FOXJ3: variants seen among roughly 807,000 people sequenced by gnomAD.
FOXJ3 encodes forkhead box protein J3.
In FOXJ3, 22 loss-of-function variants were observed where a neutral mutation model predicts 76.1. The ratio of observed to expected loss-of-function variants is 0.29; its 90% CI spans 0.21 to 0.41. The LOEUF (loss-of-function observed/expected upper bound fraction) is 0.41, where lower values mean the gene tolerates loss of function less well. Among genes scored for constraint, FOXJ3 ranks in the 10% least tolerant of loss-of-function variants. The pLI, the probability that FOXJ3 is intolerant of heterozygous loss-of-function variation, is 1.00. For synonymous variants in FOXJ3, 269 were observed against 261.2 expected, an observed-to-expected ratio of 1.03 and a Z score of -0.29; for missense variants, 613 against 762.1, an observed-to-expected ratio of 0.80 and a Z score of 2.30.
chr1:42,242,535 T>C (rs1649224112), intron 4 of FOXJ3, among the ~76,000 whole-genome samples: 1 of 146,898 alleles, frequency 6.8e-6, no homozygotes, highest in Admixed American at 6.8e-5. Flanking sequence ...CAGAACTTGA[T>C]GAGAGATCTT....
intron 1 of FOXJ3, among the ~76,000 whole-genome samples, chr1:42,316,752 T>C (rs1306179254): frequency 6.6e-6 from 1 of 152,190 alleles, no homozygotes; most frequent in East Asian, 1.9e-4. Flanking sequence ...AATTAAAAAT[T>C]TGTTAAAACT....
chr1:42,271,900 T>A (rs1651891659), intron 3 of FOXJ3, among the ~76,000 whole-genome samples: 2 of 152,286 alleles, frequency 1.3e-5, no homozygotes, highest in South Asian at 4.1e-4. Context: ...TGCCTTGGCC[T>A]CCCAAAGTGC....
intron 8 of FOXJ3, 30 bp from the exon 9 acceptor site, chr1:42,191,749 A>T: frequency 6.3e-7 from 1 of 1,591,506 alleles, no homozygotes; most frequent in South Asian, 1.1e-5. Context: ...ATTTATGGTC[A>T]GATTTCAGTT....
At chr1:42,310,504 G>C (rs950921597) in intron 2 of FOXJ3, among the ~76,000 whole-genome samples, 1 of 149,214 alleles carries the variant, frequency 6.7e-6, no homozygotes, top group African/African-American at 2.5e-5. Flanking sequence ...CTGGAGTGCA[G>C]TGGCACGATC....
chr1:42,287,068 C>A (rs947851255), intron 2 of FOXJ3, among the ~76,000 whole-genome samples: 2 of 151,132 alleles, frequency 1.3e-5, no homozygotes, highest in African/African-American at 2.4e-5. Context: ...GGCTGGGATG[C>A]GGTGGCTCAC....
chr1:42,249,395 C>G (rs893922988), intron 4 of FOXJ3, among the ~76,000 whole-genome samples: 4 of 152,152 alleles, frequency 2.6e-5, no homozygotes, highest in African/African-American at 9.7e-5. Flanking sequence ...TCAAGGAATT[C>G]ACCTACATGA....
chr1:42,242,230 G>A (rs1258680358), intron 4 of FOXJ3, among the ~76,000 whole-genome samples: 1 of 150,436 alleles, frequency 6.6e-6, no homozygotes, highest in Admixed American at 6.6e-5. Flanking sequence ...CACCTCCAAA[G>A]AACACAGTAA....
intron 1 of FOXJ3, among the ~76,000 whole-genome samples, chr1:42,331,589 A>G (rs184841407): frequency 2.6e-5 from 4 of 152,334 alleles, no homozygotes; most frequent in Non-Finnish European, 4.4e-5. Context: ...TGAAATGCCC[A>G]CAACAGGCAT....
In FOXJ3 at chr1:42,184,586, T is replaced by C. The variant is rs543059895; in HGVS notation, c.1646-2562A>G. ...ATTTCAGGCACTGCTCGAGGCACTA[T>C]GGATACAGCAATGAAAAAACACAAC... is the stretch of plus-strand genomic sequence containing the variant. On this transcript the variant is annotated intron_variant, in intron 11 of 12. Coordinates refer to ENST00000361346, the MANE Select transcript of FOXJ3 (RefSeq NM_014947.5). Among the ~76,000 whole-genome samples the C allele has an allele frequency of 3.9e-5, 6 of 152,224 alleles. No homozygotes were observed. The South Asian group carries it at 1.0e-3, about 26-fold the overall frequency.
intron 5 of FOXJ3, among the ~76,000 whole-genome samples, chr1:42,207,431 T>C (rs1320260759): frequency 6.6e-6 from 1 of 152,232 alleles, no homozygotes; most frequent in Non-Finnish European, 1.5e-5. Context: ...TTTCTGCTAT[T>C]AGAATTCTGA....
intron 4 of FOXJ3, among the ~76,000 whole-genome samples, chr1:42,240,564 A>G (rs1319236173): frequency 6.6e-6 from 1 of 152,206 alleles, no homozygotes; most frequent in Non-Finnish European, 1.5e-5. Flanking sequence ...CATGTATTAT[A>G]TATTTATGGT....
chr1:42,252,106 C>A (rs548041279), intron 4 of FOXJ3, among the ~76,000 whole-genome samples: 1 of 152,062 alleles, frequency 6.6e-6, no homozygotes, highest in Non-Finnish European at 1.5e-5. Context: ...TGTCTCTGCC[C>A]GGCTTTGGTA....
intron 2 of FOXJ3, among the ~76,000 whole-genome samples, chr1:42,291,099 C>CAGAT (rs1553167277): frequency 6.7e-6 from 1 of 149,064 alleles, no homozygotes; most frequent in African/African-American, 2.5e-5. Context: ...GACAGACAGA[C>CAGAT]AGATAGATCC....
chr1:42,312,732 G>T (rs911516584), intron 1 of FOXJ3, among the ~76,000 whole-genome samples: 2 of 152,240 alleles, frequency 1.3e-5, no homozygotes, highest in Non-Finnish European at 2.9e-5. Context: ...CAAGCACTAT[G>T]AATTCTGGCT....
intron 4 of FOXJ3, among the ~76,000 whole-genome samples, chr1:42,259,694 A>G (rs1297329724): frequency 2.0e-5 from 3 of 152,230 alleles, no homozygotes; most frequent in Non-Finnish European, 4.4e-5. Context: ...CCTCACATTC[A>G]TAATTCACCT....
chr1:42,317,084 T>C (rs1271729930), intron 1 of FOXJ3, among the ~76,000 whole-genome samples: 1 of 152,202 alleles, frequency 6.6e-6, no homozygotes, highest in Admixed American at 6.5e-5. Flanking sequence ...GTCACAGCTC[T>C]AGAGGTCAAG....
At chr1:42,208,971 T>G (rs955197339) in intron 5 of FOXJ3, among the ~76,000 whole-genome samples, 5 of 152,204 alleles carry the variant, frequency 3.3e-5, no homozygotes, top group Non-Finnish European at 2.9e-5. Flanking sequence ...AATGGTTGTA[T>G]AGGTACTTGA....
chr1:42,280,293 G>T, intron 2 of FOXJ3: 1 of 983,184 alleles, frequency 1.0e-6, no homozygotes. Flanking sequence ...TACCTGCACT[G>T]CCAGTAAATT....
chr1:42,187,837 C>T (rs961095592), intron 11 of FOXJ3, among the ~76,000 whole-genome samples: 3 of 152,014 alleles, frequency 2.0e-5, no homozygotes, highest in South Asian at 4.1e-4. Flanking sequence ...AGGTTTCAGG[C>T]AAGGTAAGCT....
Sources: gnomAD v4.1 joint callset for allele counts (sites outside exome capture counted in the v4.1 genomes callset) on GRCh38, gnomAD v4.1.1 for gene constraint, MANE v1.5 for transcripts, NCBI Gene and HGNC (gene_info 2026-07-23, HGNC 2026-07-21) for gene names.